Variants in C2CD2L observed in about 807,000 individuals in gnomAD.
The protein encoded by C2CD2L is C2CD2 like, also known as phospholipid transfer protein C2CD2L.
A neutral mutation model predicts 69.9 loss-of-function variants in C2CD2L; 24 were observed. That is an observed-to-expected ratio of 0.34 (90% CI 0.25 to 0.48). C2CD2L has a LOEUF of 0.48. C2CD2L is among the 20% of genes least tolerant of loss of function. The pLI, the probability that C2CD2L is intolerant of heterozygous loss-of-function variation, is 0.99. For missense variants in C2CD2L, 811 were observed against 941.5 expected (o/e 0.86, Z 1.81); for synonymous variants, 367 against 391.0 (o/e 0.94, Z 0.72).
In C2CD2L at chr11:119,114,396, C is replaced by T. The variant is rs937093944; in HGVS notation, c.1909+31C>T. ...GGGACGTTGGCAGGGTGCCCCTCAT[C>T]TCTTCTTTTATACACATATCATGAC... On this transcript the variant is annotated intron_variant, in intron 13 of 13. Coordinates refer to ENST00000648610, the MANE Select transcript of C2CD2L (RefSeq NM_001290474.2). This position sits in a 1 kb window ranked among gnomAD's most constrained non-coding sequence, Gnocchi z 5.1. 1.2e-6 allele frequency: 2 copies of T among 1,608,210 alleles called. No homozygotes were observed. Among genetic ancestry groups the T allele is most frequent in the Non-Finnish European group, 1.7e-6 (2 of 1,176,670 alleles).
Position 119,107,867 on chromosome 11 carries a change from C to T in C2CD2L, c.126C>T (p.Ala42=). Residue 42 remains alanine (A), a synonymous_variant, in exon 1 of 14, where the codon GCC becomes GCT. Coordinates refer to ENST00000648610, the MANE Select transcript of C2CD2L (RefSeq NM_001290474.2). The surrounding 1 kb of genome is among the most constrained non-coding windows in gnomAD (Gnocchi z 5.4). ...CCCGGGGCTTGTGGCTGGCGCGGGC[C>T]CGCGGGGACCGGGGCCCGGGACCCG... ...QYARGLWLAR[A]RGDRGPGPAL... is the part of the protein sequence containing the mutation. The T allele has an allele frequency of 6.6e-7, 1 of 1,517,656 alleles. No homozygotes were observed. Among genetic ancestry groups the T allele is most frequent in the South Asian group, 1.2e-5 (1 of 81,632 alleles). The allele number at this position is 1,517,656 out of a possible 1,614,324, so 94.0% of individuals were successfully genotyped here. A position where few individuals can be genotyped will look rare whatever the true frequency, so the allele number is the denominator to read the frequency against.
In C2CD2L at chr11:119,109,330, G is replaced by A. The variant is rs577168984; in HGVS notation, c.355-774G>A. Among the ~76,000 whole-genome samples, 6 of 152,292 alleles carry A rather than the reference G, an allele frequency of 3.9e-5. No homozygotes were observed. In the South Asian group the frequency reaches 1.2e-3, roughly 32 times the overall value. ...GTGCCCCTTCCTCAATTCTGTGTCC[G>A]CACTGCTCTCCAGGTGGGGCTGCGG... On this transcript the variant is annotated intron_variant, in intron 1 of 13. Transcript: ENST00000648610. This position sits in a 1 kb window ranked among gnomAD's most constrained non-coding sequence, Gnocchi z 5.1.
rs1946733307 is a variant in C2CD2L at position 119,111,258 on chromosome 11, C to A, written c.799-5C>A. 1 of 1,613,678 alleles carries A rather than the reference C, an allele frequency of 6.2e-7. No individual in the cohort carries two copies. The highest frequency in any genetic ancestry group is 1.3e-5 in the African/African-American group (1 of 74,902). Reference sequence around the variant, plus strand: ...CTTGCTCTTTGGACCTTCTTCTGCTCTTAGGTACCCAGTGAGAAGCCACCC... The same window carrying A: ...CTTGCTCTTTGGACCTTCTTCTGCTATTAGGTACCCAGTGAGAAGCCACCC... On this transcript the variant is annotated splice_region_variant and splice_polypyrimidine_tract_variant and intron_variant, in intron 5 of 13. Transcript: ENST00000648610.
chr11:119,102,860 C>CTTTTTTTTTTTTTTTTTT (rs141575057), upstream of C2CD2L, among the ~76,000 whole-genome samples: 1 of 43,412 alleles, frequency 2.3e-5, no homozygotes, highest in South Asian at 1.5e-3. Flanking sequence ...AATTCACCAG[C>CTTTTTTTTTTTTTTTTTT]TTTTTTTTTT....
upstream of C2CD2L, chr11:119,106,740 G>C (rs929331800): frequency 6.6e-6 from 1 of 152,214 alleles, no homozygotes; most frequent in Non-Finnish European, 1.5e-5. Flanking sequence ...GCCTGGGCTT[G>C]GGAATCTCCA....
At position 119,109,770 on chromosome 11, in the gene C2CD2L, G is replaced by A. The variant is rs542823104; in HGVS notation, c.355-334G>A. Among the ~76,000 whole-genome samples, 3 of 152,086 alleles carry A rather than the reference G, an allele frequency of 2.0e-5. 1 individual carries two copies. In the South Asian group the frequency reaches 6.2e-4, roughly 31 times the overall value. On this transcript the variant is annotated intron_variant, in intron 1 of 13. Coordinates refer to ENST00000648610, the MANE Select transcript of C2CD2L (RefSeq NM_001290474.2). This position sits in a 1 kb window ranked among gnomAD's most constrained non-coding sequence, Gnocchi z 5.1. ...TGTTTGTTTGTTATTTGTTTTTTTA[G>A]GGGGTAGGGTAGGGGATGAAAGGGA... is the stretch of plus-strand genomic sequence containing the variant.
chr11:119,110,965 G>A lies in C2CD2L; in HGVS notation c.681+8G>A, dbSNP rs111593658. 209 of 1,614,056 alleles carry A rather than the reference G, an allele frequency of 1.3e-4. 1 individual carries two copies. The Middle Eastern group carries it at 3.6e-3, about 28-fold the overall frequency. ...AAGCTTCAGGCCAGGGAGGTAAGGA[G>A]GCAGAGCTGGCAGAGAAGAGGCAGA... On this transcript the variant is annotated splice_region_variant and intron_variant, in intron 4 of 13. Transcript: ENST00000648610. This position sits in a 1 kb window ranked among gnomAD's most constrained non-coding sequence, Gnocchi z 5.7.
In C2CD2L at chr11:119,118,288, C is replaced by T. The variant is rs1000694241; in HGVS notation, c.*2032C>T. 10 of 152,288 alleles carry T rather than the reference C, an allele frequency of 6.6e-5. No homozygotes were observed. The highest frequency in any genetic ancestry group is 1.0e-4 in the Non-Finnish European group (7 of 68,024). 9.4% of individuals were successfully genotyped at this position (152,288 alleles called of 1,614,324 possible). A position where few individuals can be genotyped will look rare whatever the true frequency, so the allele number is the denominator to read the frequency against. ...ATAGTCTCCGATGTCTTTTATTCCA[C>T]TCTATATGTCCATGTATACCCATTA... On this transcript the variant is annotated 3_prime_UTR_variant, in exon 14 of 14. Transcript: ENST00000648610.
rs998050987 is a variant in C2CD2L at position 119,109,529 on chromosome 11, G to A, written c.355-575G>A. ...CAGTCCCCCTGGTACGGATCCCCAA[G>A]GCCATGCTCATCTTCATCTCCAAGA... On this transcript the variant is annotated intron_variant, in intron 1 of 13. Coordinates refer to ENST00000648610, the MANE Select transcript of C2CD2L (RefSeq NM_001290474.2). The surrounding 1 kb of genome is among the most constrained non-coding windows in gnomAD (Gnocchi z 5.1). Among the ~76,000 whole-genome samples, 5 of 152,100 alleles carry A rather than the reference G, an allele frequency of 3.3e-5. No homozygotes were observed. The highest frequency in any genetic ancestry group is 3.3e-4 in the Admixed American group (5 of 15,278).
rs932267757 is a variant in C2CD2L, at chr11:119,114,682, T to C, written c.1909+317T>C. Reference sequence around the variant, plus strand: ...TTATTCCTAGGCAGGGTGTGGTGGCTCACACCGGCACTTTGGGAGGCCAAG... The same window carrying C: ...TTATTCCTAGGCAGGGTGTGGTGGCCCACACCGGCACTTTGGGAGGCCAAG... On this transcript the variant is annotated intron_variant, in intron 13 of 13. Coordinates refer to ENST00000648610, the MANE Select transcript of C2CD2L (RefSeq NM_001290474.2). This position sits in a 1 kb window ranked among gnomAD's most constrained non-coding sequence, Gnocchi z 5.1. 9 of 349,188 alleles carry C rather than the reference T, an allele frequency of 2.6e-5. No individual in the cohort carries two copies. Among genetic ancestry groups the C allele is most frequent in the Middle Eastern group, 9.4e-4 (1 of 1,068 alleles). The allele number at this position is 349,188 out of a possible 1,614,324, so 21.6% of individuals were successfully genotyped here.
At chr11:119,111,234 T>C (rs1157693780) in intron 5 of C2CD2L, 29 bp from the exon 6 acceptor site, 1 of 1,612,782 alleles carries the variant, frequency 6.2e-7, no homozygotes, top group South Asian at 1.1e-5. Flanking sequence ...GTCAGGATTC[T>C]TGCTCTTTGG....
chr11:119,111,450 T>G, intron 6 of C2CD2L, 71 bp from the exon 7 acceptor site: 1 of 1,594,610 alleles, frequency 6.3e-7, no homozygotes, highest in Admixed American at 1.7e-5. Context: ...CTGCCAAGGG[T>G]ACAGCCTCTT....
In C2CD2L at chr11:119,112,408, G is replaced by A. The variant is rs1046444131; in HGVS notation, c.1084+16G>A. ...TGTGGAGACAGTAAGTGAGGGGTGG[G>A]AGGGGCACCCCTGGGTGGGTACAGA... On this transcript the variant is annotated intron_variant, in intron 8 of 13. Transcript: ENST00000648610. The A allele has an allele frequency of 2.5e-6, 4 of 1,613,402 alleles. No individual in the cohort carries two copies. Among genetic ancestry groups the A allele is most frequent in the Non-Finnish European group, 3.4e-6 (4 of 1,179,500 alleles).
upstream of C2CD2L, among the ~76,000 whole-genome samples, chr11:119,105,964 C>G (rs1946577789): frequency 6.6e-6 from 1 of 152,210 alleles, no homozygotes; most frequent in South Asian, 2.1e-4. Context: ...GGTTCTGGCC[C>G]TGAGTTCTCT....
intron 7 of C2CD2L, 62 bp downstream of exon 7, chr11:119,111,691 AC>A: frequency 8.6e-7 from 1 of 1,157,664 alleles, no homozygotes; most frequent in Non-Finnish European, 1.2e-6. Flanking sequence ...CCTTTCCAGC[AC>A]AGTCCTTGCA....
upstream of C2CD2L, among the ~76,000 whole-genome samples, chr11:119,103,487 A>G (rs1946542285): frequency 6.6e-6 from 1 of 152,184 alleles, no homozygotes; most frequent in Admixed American, 6.5e-5. Context: ...ACTTGAGGTC[A>G]GGAGTTCGAG....
chr11:119,112,135 G>T (rs1946759270), intron 7 of C2CD2L, 193 bp from the exon 8 acceptor site: 2 of 588,424 alleles, frequency 3.4e-6, no homozygotes, highest in Non-Finnish European at 6.0e-6. Context: ...TAGCTGAGAA[G>T]CATGGTTTCC....
chr11:119,115,776 T>C (rs1592245439), intron 13 of C2CD2L: 1 of 577,916 alleles, frequency 1.7e-6, no homozygotes, highest in Non-Finnish European at 3.1e-6. Context: ...AGAGTTAAGA[T>C]TGTACACAGA....
chr11:119,103,645 C>G (rs573139973), upstream of C2CD2L, among the ~76,000 whole-genome samples: 12 of 151,882 alleles, frequency 7.9e-5, no homozygotes, highest in South Asian at 2.1e-4. Flanking sequence ...TGCAGTGAGC[C>G]GCGATCATGC....
Sources: gnomAD v4.1 joint callset for allele counts (sites outside exome capture counted in the v4.1 genomes callset) on GRCh38, gnomAD v4.1.1 for gene constraint, Gnocchi (gnomAD v3.1) non-coding constraint, MANE v1.5 for transcripts, NCBI Gene and HGNC (gene_info 2026-07-23, HGNC 2026-07-21) for gene names.